Variants in CGGBP1 observed in about 807,000 individuals in gnomAD.
CGGBP1 encodes CGG triplet repeat-binding protein 1.
In CGGBP1, 4 loss-of-function variants were observed where a neutral mutation model predicts 11.4. That is an observed-to-expected ratio of 0.35 (90% CI 0.17 to 0.80). CGGBP1 has a LOEUF of 0.80. Ranked by LOEUF, CGGBP1 falls within the 30% of genes least tolerant of loss-of-function variation. The pLI is 0.52. For missense variants in CGGBP1, 135 were observed against 202.1 expected (o/e 0.67, Z 2.01); for synonymous variants, 76 against 74.1 (o/e 1.03, Z -0.13).
intron 2 of CGGBP1, among the ~76,000 whole-genome samples, chr3:88,136,848 C>G (rs1473549262): frequency 6.6e-6 from 1 of 152,038 alleles, no homozygotes; most frequent in Non-Finnish European, 1.5e-5. Context: ...TTTGGATGAT[C>G]TTAACATTTT....
At position 88,055,661 on chromosome 3, in the gene CGGBP1, C is replaced by G. The variant is rs1486333730; in HGVS notation, c.316G>C (p.Asp106His). 6.2e-7 allele frequency: 1 copy of G among 1,614,184 alleles called. No homozygotes were observed. The highest frequency in any genetic ancestry group is 8.5e-7 in the Non-Finnish European group (1 of 1,180,032). ...GCTTCCAGGCACATTTTCACAAAGT[C>G]CTGGATAACACTGACTTTCTCTGTT... ...AQTEKVSVIQ[D>H]FVKMCLEANI... Residue 106 changes from aspartate (D) to histidine (H), a missense_variant, in exon 4 of 4, where the codon GAC (aspartate) becomes CAC (histidine). Asp to His is a moderately conservative substitution (Grantham distance 81). Coordinates refer to ENST00000482016, the MANE Select transcript of CGGBP1 (RefSeq NM_001008390.2). This position sits in a 1 kb window ranked among gnomAD's most constrained non-coding sequence, Gnocchi z 4.2.
chr3:88,067,339 C>T (rs1287064101), intron 2 of CGGBP1, among the ~76,000 whole-genome samples: 1 of 152,188 alleles, frequency 6.6e-6, no homozygotes, highest in African/African-American at 2.4e-5. Flanking sequence ...GGTGCTTTTG[C>T]CTCATCCAAG....
intron 1 of CGGBP1, chr3:88,141,983 G>T: frequency 4.6e-6 from 1 of 215,400 alleles, no homozygotes. Flanking sequence ...TGGCCTTACA[G>T]AAAGGGAAAA....
rs139684420 is a variant in CGGBP1, at chr3:88,119,463, G to T, written c.-229+21507C>A. On this transcript the variant is annotated intron_variant, in intron 2 of 3. Coordinates refer to the CGGBP1 transcript ENST00000462901. ...TGCTAGATGACGAGTTAGTGGGTGT[G>T]CGCACCAGCATGGCACATGTATACA... 6.0e-3 allele frequency among the ~76,000 whole-genome samples: 892 copies of T among 147,834 alleles called. 7 individuals are homozygous for T. Among genetic ancestry groups the T allele is most frequent in the African/African-American group, 0.017 (665 of 39,776 alleles).
At chr3:88,105,878 G>A (rs1704707043) in intron 2 of CGGBP1, among the ~76,000 whole-genome samples, 1 of 152,216 alleles carries the variant, frequency 6.6e-6, no homozygotes, top group Non-Finnish European at 1.5e-5. Flanking sequence ...GGACCTTTGA[G>A]AGGTGATTAG....
In CGGBP1 at chr3:88,058,203, T is replaced by C. The variant is rs893979904; in HGVS notation, c.-310A>G. The C allele has an allele frequency of 6.6e-5, 10 of 152,240 alleles. No homozygotes were observed. The highest frequency in any genetic ancestry group is 2.0e-4 in the Admixed American group (3 of 15,286). The allele number at this position is 152,240 out of a possible 1,614,324, so 9.4% of individuals were successfully genotyped here. ...GGCTTGCACCCGATTTTCCCTGTGG[T>C]GCCAGGAAGTCATGCCTTTACTGTA... On this transcript the variant is annotated 5_prime_UTR_variant, in exon 2 of 4. Transcript: ENST00000482016.
upstream of CGGBP1, chr3:88,059,225 G>C (rs947103391): frequency 5.9e-5 from 89 of 1,498,102 alleles, no homozygotes; most frequent in Middle Eastern, 9.6e-4. Context: ...AGGAGGGAAG[G>C]GGGAGGGAAC....
At chr3:88,090,006 C>T (rs138645912) in intron 2 of CGGBP1, among the ~76,000 whole-genome samples, 35 of 152,256 alleles carry the variant, frequency 2.3e-4, no homozygotes, top group African/African-American at 7.7e-4. Context: ...CTGGTGTAAA[C>T]AAACCTACGG....
At chr3:88,101,689 C>G (rs1576280279) in intron 2 of CGGBP1, among the ~76,000 whole-genome samples, 1 of 152,032 alleles carries the variant, frequency 6.6e-6, no homozygotes, top group African/African-American at 2.4e-5. Flanking sequence ...AGGTAGATAC[C>G]TAGGCATAGA....
intron 2 of CGGBP1, among the ~76,000 whole-genome samples, chr3:88,096,359 C>A (rs1372961067): frequency 6.6e-6 from 1 of 151,888 alleles, no homozygotes; most frequent in East Asian, 1.9e-4. Context: ...GAAGCAGCAC[C>A]GATTTGTGTG....
At chr3:88,143,687 G>T (rs74455156) in intron 1 of CGGBP1, 9,202 of 152,188 alleles carry the variant, frequency 0.06, 818 homozygotes, top group African/African-American at 0.19. Context: ...TATTCCATTT[G>T]TAATCTGTCT....
chr3:88,089,768 C>T (rs1390019501), intron 2 of CGGBP1, among the ~76,000 whole-genome samples: 1 of 152,132 alleles, frequency 6.6e-6, no homozygotes, highest in East Asian at 1.9e-4. Context: ...CTGGTCAGAC[C>T]TGAGTTATGT....
At chr3:88,059,928 C>T (rs976499112), upstream of CGGBP1, among the ~76,000 whole-genome samples, 27 of 152,052 alleles carry the variant, frequency 1.8e-4, no homozygotes, top group African/African-American at 6.5e-4. Flanking sequence ...CCCCCGTGTT[C>T]TCCCCTTTTT....
chr3:88,093,991 G>T (rs573903821), intron 2 of CGGBP1, among the ~76,000 whole-genome samples: 1 of 151,958 alleles, frequency 6.6e-6, no homozygotes, highest in Non-Finnish European at 1.5e-5. Context: ...AACCAATTTT[G>T]TATCTATTGT....
At chr3:88,147,371 A>C (rs1281939680) in intron 1 of CGGBP1, among the ~76,000 whole-genome samples, 1 of 152,224 alleles carries the variant, frequency 6.6e-6, no homozygotes, top group Non-Finnish European at 1.5e-5. Context: ...AGCCATTCAG[A>C]TATCCAAGGG....
Position 88,055,205 on chromosome 3 carries a change from A to C in CGGBP1, c.*268T>G. Reference sequence around the variant, plus strand: ...TTCCATGCACAAACATTTCAGGAGAAAAACCATTAATTTTAAAGATAACCA... The same window carrying C: ...TTCCATGCACAAACATTTCAGGAGACAAACCATTAATTTTAAAGATAACCA... On this transcript the variant is annotated 3_prime_UTR_variant, in exon 4 of 4. Coordinates refer to ENST00000482016, the MANE Select transcript of CGGBP1 (RefSeq NM_001008390.2). The surrounding 1 kb of genome is among the most constrained non-coding windows in gnomAD (Gnocchi z 4.2). The C allele has an allele frequency of 3.4e-6, 1 of 297,912 alleles. No individual in the cohort carries two copies. Among genetic ancestry groups the C allele is most frequent in the Non-Finnish European group, 6.2e-6 (1 of 162,358 alleles). The allele number at this position is 297,912 out of a possible 1,614,324, so 18.5% of individuals were successfully genotyped here.
intron 2 of CGGBP1, among the ~76,000 whole-genome samples, chr3:88,082,534 A>G (rs1241933658): frequency 6.6e-6 from 1 of 152,250 alleles, no homozygotes; most frequent in African/African-American, 2.4e-5. Flanking sequence ...TGAGGTAATG[A>G]AAGTTGATGA....
At chr3:88,060,548 G>A (rs992850256), upstream of CGGBP1, among the ~76,000 whole-genome samples, 6 of 152,252 alleles carry the variant, frequency 3.9e-5, no homozygotes, top group African/African-American at 1.4e-4. Context: ...TGGGTGTATA[G>A]GGTTCAGATT....
chr3:88,087,856 G>A (rs1258860574), intron 2 of CGGBP1, among the ~76,000 whole-genome samples: 2 of 152,134 alleles, frequency 1.3e-5, no homozygotes, highest in Non-Finnish European at 2.9e-5. Flanking sequence ...TAGAGGTTGA[G>A]TATCCCTAAT....
Sources: gnomAD v4.1 joint callset for allele counts (sites outside exome capture counted in the v4.1 genomes callset) on GRCh38, gnomAD v4.1.1 for gene constraint, Gnocchi (gnomAD v3.1) non-coding constraint, MANE v1.5 for transcripts, NCBI Gene and HGNC (gene_info 2026-07-23, HGNC 2026-07-21) for gene names.